The following ATP10B variants were observed in gnomAD, a reference collection of about 807,000 sequenced individuals.
ATP10B encodes ATPase phospholipid transporting 10B (putative).
A neutral mutation model predicts 141.2 loss-of-function variants in ATP10B; 122 were observed. That is an observed-to-expected ratio of 0.86 (90% CI 0.75 to 1.00). ATP10B has a LOEUF of 1.00. ATP10B is among the 50% of genes least tolerant of loss of function. The pLI, the probability that ATP10B is intolerant of heterozygous loss-of-function variation, is 0.00. For synonymous variants in ATP10B, 685 were observed against 692.0 expected, an observed-to-expected ratio of 0.99 and a Z score of 0.16; for missense variants, 1,876 against 1,825.3, an observed-to-expected ratio of 1.03 and a Z score of -0.51.
intron 2 of ATP10B, among the ~76,000 whole-genome samples, chr5:160,721,716 T>G (rs1307601103): frequency 6.6e-6 from 1 of 152,200 alleles, no homozygotes; most frequent in Non-Finnish European, 1.5e-5. Context: ...ACAGAACAGA[T>G]GGCTAAAAAG....
intron 21 of ATP10B, among the ~76,000 whole-genome samples, chr5:160,601,738 T>C (rs1458041514): frequency 1.3e-5 from 2 of 152,216 alleles, no homozygotes; most frequent in African/African-American, 4.8e-5. Context: ...TTAATCTCTG[T>C]GAGCTTCAGT....
intron 1 of ATP10B, among the ~76,000 whole-genome samples, chr5:160,844,961 G>T (rs989307667): frequency 4.6e-5 from 7 of 152,152 alleles, no homozygotes; most frequent in Non-Finnish European, 1.0e-4. Context: ...GGATTTGTGT[G>T]CCTGTTGGGC....
chr5:160,674,133 C>T (rs1417813969), intron 6 of ATP10B, among the ~76,000 whole-genome samples: 3 of 152,110 alleles, frequency 2.0e-5, no homozygotes, highest in African/African-American at 7.2e-5. Context: ...AGGGAGAACA[C>T]CTTCCACTCT....
In ATP10B at chr5:160,620,655, A is replaced by C; in HGVS notation, c.2108T>G (p.Leu703Trp). The C allele has an allele frequency of 6.2e-7, 1 of 1,613,518 alleles. No homozygotes were observed. The highest frequency in any genetic ancestry group is 8.5e-7 in the Non-Finnish European group (1 of 1,179,502). Residue 703 changes from leucine (L) to tryptophan (W), a missense_variant, in exon 15 of 26, where the codon TTG (leucine) becomes TGG (tryptophan). Transcript: ENST00000327245. ...GGCCAGGTCTGTGGCTGGGGCCTCC[A>C]ATGCCTCCTCCAAGGAAGTGCCTGA... ...SGSGTSLEEA[L>W]EAPATDLARP...
At chr5:160,785,060 G>A (rs1193054150) in intron 2 of ATP10B, among the ~76,000 whole-genome samples, 2 of 152,040 alleles carry the variant, frequency 1.3e-5, no homozygotes, top group Admixed American at 1.3e-4. Context: ...CACATTTCTG[G>A]CCAATAAATG....
At chr5:160,637,271 A>G (rs1294002877) in intron 10 of ATP10B, among the ~76,000 whole-genome samples, 1 of 151,378 alleles carries the variant, frequency 6.6e-6, no homozygotes, top group Non-Finnish European at 1.5e-5. Context: ...ATACTCACCC[A>G]TTTATCCATC....
rs527636175 is a variant in ATP10B at position 160,591,351 on chromosome 5, C to T, written c.3565-212G>A. ...ACCTTGTGAAAATTACTAAACTGTG[C>T]GGAGAACTAGTTTCTTCTTCCATTA... On this transcript the variant is annotated intron_variant, in intron 22 of 25. Transcript: ENST00000327245. Among the ~76,000 whole-genome samples, 50 of 152,246 alleles carry T rather than the reference C, an allele frequency of 3.3e-4. No homozygotes were observed. In the East Asian group the frequency reaches 8.3e-3, roughly 25 times the overall value.
At chr5:160,912,781 C>A in the ATP10B span, among the ~76,000 whole-genome samples, 1 of 152,046 alleles carries the variant, frequency 6.6e-6, no homozygotes, top group African/African-American at 2.4e-5. Flanking sequence ...TTTCCTACCC[C>A]CGGGTAGATA....
chr5:160,593,351 G>A (rs543360870), intron 22 of ATP10B, among the ~76,000 whole-genome samples: 58 of 152,322 alleles, frequency 3.8e-4, no homozygotes, highest in African/African-American at 1.4e-3. Context: ...ACCTGCAGCT[G>A]AGGATCCTGT....
chr5:160,843,166 C>T (rs1775910089), intron 1 of ATP10B, among the ~76,000 whole-genome samples: 1 of 151,964 alleles, frequency 6.6e-6, no homozygotes, highest in Admixed American at 6.6e-5. Context: ...GTTAGAAAAG[C>T]AACTAATATA....
At chr5:160,808,802 A>G (rs1314177108) in intron 1 of ATP10B, among the ~76,000 whole-genome samples, 1 of 152,204 alleles carries the variant, frequency 6.6e-6, no homozygotes, top group African/African-American at 2.4e-5. Context: ...CTGCCATAAC[A>G]AAGTGCCCCA....
intron 18 of ATP10B, among the ~76,000 whole-genome samples, chr5:160,607,478 G>A (rs527368801): frequency 1.8e-4 from 27 of 152,266 alleles, no homozygotes; most frequent in African/African-American, 2.9e-4. Flanking sequence ...ACATTCCTGC[G>A]TGGTAGATAG....
At chr5:160,671,662 T>A (rs1762710711) in intron 6 of ATP10B, among the ~76,000 whole-genome samples, 1 of 152,196 alleles carries the variant, frequency 6.6e-6, no homozygotes, top group Non-Finnish European at 1.5e-5. Context: ...CAAGCTGAGA[T>A]AATAGTGACA....
intron 1 of ATP10B, among the ~76,000 whole-genome samples, chr5:160,843,840 G>GT (rs918946541): frequency 1.6e-4 from 25 of 151,760 alleles, no homozygotes; most frequent in African/African-American, 6.0e-4. Context: ...TTTTTCTCAA[G>GT]TTTTTTTCAT....
chr5:160,857,633 C>T, the ATP10B span, among the ~76,000 whole-genome samples: 2 of 151,724 alleles, frequency 1.3e-5, no homozygotes, highest in Admixed American at 6.6e-5. Context: ...TCTTTTCTAG[C>T]ATAGGCATTT....
chr5:160,614,514 G>A (rs1757895436), intron 17 of ATP10B: 1 of 152,288 alleles, frequency 6.6e-6, no homozygotes, highest in Non-Finnish European at 1.5e-5. Flanking sequence ...TCATCTGGCA[G>A]ATAGAGTTGT....
chr5:160,848,507 A>G (rs993504556), intron 1 of ATP10B, among the ~76,000 whole-genome samples: 6 of 152,250 alleles, frequency 3.9e-5, no homozygotes, highest in Non-Finnish European at 8.8e-5. Context: ...ATTCACTGCC[A>G]TATCACTGAC....
At chr5:160,653,866 AATATACG>A (rs1270809663) in intron 7 of ATP10B, among the ~76,000 whole-genome samples, 12 of 122,112 alleles carry the variant, frequency 9.8e-5, no homozygotes, top group Non-Finnish European at 1.6e-4. Context: ...AATATATATT[AATATACG>A]TATATACATA....
chr5:160,904,247 G>A, the ATP10B span, among the ~76,000 whole-genome samples: 1 of 152,142 alleles, frequency 6.6e-6, no homozygotes, highest in African/African-American at 2.4e-5. Flanking sequence ...AAGTCTCAGA[G>A]TCAGACTGCC....
Sources: allele counts gnomAD v4.1 joint callset (sites outside exome capture counted in the v4.1 genomes callset), GRCh38; gene constraint gnomAD v4.1.1; transcripts MANE v1.5; gene names NCBI Gene and HGNC (gene_info 2026-07-23, HGNC 2026-07-21).